The following SEMA3A variants were observed in gnomAD, a reference collection of about 807,000 sequenced individuals.
SEMA3A encodes the protein semaphorin 3A.
A neutral mutation model predicts 97.9 loss-of-function variants in SEMA3A; 29 were observed. That is an observed-to-expected ratio of 0.30 (90% CI 0.22 to 0.40). The LOEUF is 0.40. Ranked by LOEUF, SEMA3A falls within the 10% of genes least tolerant of loss-of-function variation. The pLI, the probability that SEMA3A is intolerant of heterozygous loss-of-function variation, is 1.00. For missense variants in SEMA3A, 763 were observed against 951.3 expected (o/e 0.80, Z 2.60); for synonymous variants, 321 against 323.7 (o/e 0.99, Z 0.09).
chr7:84,183,427 A>C (rs1054311704), intron 1 of SEMA3A, among the ~76,000 whole-genome samples: 1 of 152,108 alleles, frequency 6.6e-6, no homozygotes, highest in East Asian at 1.9e-4. Flanking sequence ...AGTAATAACA[A>C]TGCATATTAT....
At chr7:84,044,365 C>T (rs1046747598) in intron 6 of SEMA3A, among the ~76,000 whole-genome samples, 2 of 152,058 alleles carry the variant, frequency 1.3e-5, no homozygotes, top group African/African-American at 4.8e-5. Context: ...GAGACCCCGT[C>T]TATCCCTGGT....
Position 84,371,602 on chromosome 7 carries a change from T to C in SEMA3A, c.-169+222A>G, listed in dbSNP as rs894355683. Among the ~76,000 whole-genome samples the C allele has an allele frequency of 7.9e-5, 12 of 152,056 alleles. No homozygotes were observed. The East Asian group carries it at 1.5e-3, about 20-fold the overall frequency. On this transcript the variant is annotated intron_variant, in intron 2 of 3. Transcript: ENST00000424555. The stretch of plus-strand genomic sequence containing the variant: ...ATATCAAGACAAGCCCTATATCTCA[T>C]AGAAGTTGAGAAACAATATTATAAT...
At chr7:84,095,351 T>TATATACACATATA (rs1485887699) in intron 4 of SEMA3A, among the ~76,000 whole-genome samples, 4 of 29,622 alleles carry the variant, frequency 1.4e-4, no homozygotes, top group African/African-American at 2.9e-4. Context: ...TTTATATTTT[T>TATATACACATATA]TATATACATA....
chr7:84,487,516 T>C (rs113894429), intron 1 of SEMA3A, among the ~76,000 whole-genome samples: 1 of 152,142 alleles, frequency 6.6e-6, no homozygotes, highest in African/African-American at 2.4e-5. Flanking sequence ...AGGCTTGTAA[T>C]GTCAAGTAAG....
chr7:84,059,529 G>C (rs1203100665), intron 5 of SEMA3A, among the ~76,000 whole-genome samples: 2 of 151,896 alleles, frequency 1.3e-5, no homozygotes, highest in African/African-American at 4.8e-5. Context: ...TGACATATCA[G>C]ATAACCTAAA....
intron 3 of SEMA3A, among the ~76,000 whole-genome samples, chr7:84,287,384 T>C (rs1800618147): frequency 1.3e-5 from 2 of 152,150 alleles, no homozygotes; most frequent in Non-Finnish European, 2.9e-5. Context: ...AAATTTTTAG[T>C]ATATTCCATT....
At chr7:84,434,300 A>G (rs1363267349) in intron 1 of SEMA3A, among the ~76,000 whole-genome samples, 1 of 152,102 alleles carries the variant, frequency 6.6e-6, no homozygotes, top group Non-Finnish European at 1.5e-5. Context: ...ACGAACTCCT[A>G]AGAGTAAATC....
chr7:84,445,016 A>C (rs1227726396), intron 1 of SEMA3A, among the ~76,000 whole-genome samples: 1 of 152,106 alleles, frequency 6.6e-6, no homozygotes, highest in African/African-American at 2.4e-5. Flanking sequence ...GGCTCTTTTA[A>C]AACTGATATC....
rs146150230 is a variant in SEMA3A, at chr7:83,987,909, A to T, written c.1453-2432T>A. ...CTTCCCTGCTCAATCCACTGAGTCT[A>T]GCTTTTATTCTAGAGAGGTGGCCTA... On this transcript the variant is annotated intron_variant, in intron 12 of 16. Coordinates refer to ENST00000265362, the MANE Select transcript of SEMA3A (RefSeq NM_006080.3). Among the ~76,000 whole-genome samples, 518 of 152,308 alleles carry T rather than the reference A, an allele frequency of 3.4e-3. 1 individual carries two copies. Among genetic ancestry groups the T allele is most frequent in the Non-Finnish European group, 6.0e-3 (405 of 68,034 alleles).
intron 6 of SEMA3A, among the ~76,000 whole-genome samples, chr7:84,016,575 G>A (rs1441081120): frequency 3.3e-5 from 5 of 151,710 alleles, no homozygotes; most frequent in African/African-American, 9.7e-5. Flanking sequence ...ACCTGTGTGT[G>A]CAGTGATTTA....
At position 84,425,762 on chromosome 7, in the gene SEMA3A, G is replaced by A. The variant is rs1046069037; in HGVS notation, c.-245-53862C>T. Among the ~76,000 whole-genome samples, 18 of 148,712 alleles carry A rather than the reference G, an allele frequency of 1.2e-4. No homozygotes were observed. The East Asian group carries it at 1.4e-3, about 11-fold the overall frequency. Reference sequence around the variant, plus strand: ...CTGAGGTTCGCAGATCACAAGGTCCGGAGTTTGAGACAAGCCTGGCCAATA... The same window carrying A: ...CTGAGGTTCGCAGATCACAAGGTCCAGAGTTTGAGACAAGCCTGGCCAATA... On this transcript the variant is annotated intron_variant, in intron 1 of 3. Coordinates refer to the SEMA3A transcript ENST00000424555.
chr7:84,482,310 C>A (rs762682594), intron 1 of SEMA3A, among the ~76,000 whole-genome samples: 1 of 151,988 alleles, frequency 6.6e-6, no homozygotes, highest in African/African-American at 2.4e-5. Context: ...CATATAAATG[C>A]GTATGTATTT....
chr7:84,305,065 G>A (rs1483109264), intron 3 of SEMA3A, among the ~76,000 whole-genome samples: 2 of 151,838 alleles, frequency 1.3e-5, no homozygotes, highest in Admixed American at 6.6e-5. Flanking sequence ...TTTGGGAGAG[G>A]AAATAAATGT....
chr7:83,978,408 G>T (rs551952835), intron 14 of SEMA3A, among the ~76,000 whole-genome samples: 312 of 152,264 alleles, frequency 2.0e-3, no homozygotes, highest in Middle Eastern at 3.4e-3. Flanking sequence ...GAGGTAGGCT[G>T]TAGTCACTGC....
chr7:84,479,827 G>C (rs1276118859), intron 1 of SEMA3A, among the ~76,000 whole-genome samples: 1 of 152,092 alleles, frequency 6.6e-6, no homozygotes, highest in Non-Finnish European at 1.5e-5. Context: ...AAGCTCAATA[G>C]TTAGGAATAT....
At chr7:84,444,019 T>C (rs1805341755) in intron 1 of SEMA3A, among the ~76,000 whole-genome samples, 2 of 151,418 alleles carry the variant, frequency 1.3e-5, no homozygotes, top group African/African-American at 2.4e-5. Context: ...CCTGAGTAGC[T>C]GGAATTACAG....
At chr7:84,387,368 G>C (rs1220628084) in intron 1 of SEMA3A, among the ~76,000 whole-genome samples, 1 of 152,086 alleles carries the variant, frequency 6.6e-6, no homozygotes, top group East Asian at 1.9e-4. Context: ...TATTTTAAAT[G>C]CTCTGAAAAT....
chr7:84,157,263 C>T (rs2116149312), intron 1 of SEMA3A, among the ~76,000 whole-genome samples: 1 of 152,266 alleles, frequency 6.6e-6, no homozygotes, highest in South Asian at 2.1e-4. Context: ...TTACATGCAA[C>T]AATGCAGGTA....
intron 1 of SEMA3A, among the ~76,000 whole-genome samples, chr7:84,484,346 T>C (rs1314707651): frequency 1.3e-5 from 2 of 152,130 alleles, no homozygotes; most frequent in Admixed American, 1.3e-4. Context: ...ACAAATATTT[T>C]AAATGCATAT....
Sources: gnomAD v4.1 joint callset for allele counts (sites outside exome capture counted in the v4.1 genomes callset) on GRCh38, gnomAD v4.1.1 for gene constraint, MANE v1.5 for transcripts, NCBI Gene and HGNC (gene_info 2026-07-23, HGNC 2026-07-21) for gene names.